Variants in DGKD observed in about 807,000 individuals in gnomAD.
DGKD encodes the protein diacylglycerol kinase delta.
In DGKD, 68 loss-of-function variants were observed where a neutral mutation model predicts 154.4. The observed-to-expected ratio is 0.44, with a 90% confidence interval of 0.36 to 0.54. DGKD has a LOEUF of 0.54. Ranked by LOEUF, DGKD falls within the 20% of genes least tolerant of loss-of-function variation. DGKD has a pLI of 0.00. For synonymous variants in DGKD, 693 were observed against 638.0 expected, an observed-to-expected ratio of 1.09 and a Z score of -1.30; for missense variants, 1,343 against 1,593.6, an observed-to-expected ratio of 0.84 and a Z score of 2.68.
In DGKD at chr2:233,412,289, A is replaced by G. The variant is rs566461865; in HGVS notation, c.348+21806A>G. ...CTCTCTCTTTATTTAGGTGCTTTAA[A>G]TTTATCTCAGCAGTGCTTTGTAGTT... is the stretch of plus-strand genomic sequence containing the variant. On this transcript the variant is annotated intron_variant, in intron 3 of 29. Coordinates refer to ENST00000264057, the MANE Select transcript of DGKD (RefSeq NM_152879.3). Among the ~76,000 whole-genome samples, 4 of 152,310 alleles carry G rather than the reference A, an allele frequency of 2.6e-5. No individual in the cohort carries two copies. In the East Asian group the frequency reaches 5.8e-4, roughly 22 times the overall value.
rs1290812631 is a variant in DGKD, at chr2:233,435,918, A to G, written c.687A>G (p.Ala229=). 2 of 1,608,246 alleles carry G rather than the reference A, an allele frequency of 1.2e-6. No individual in the cohort carries two copies. Among genetic ancestry groups the G allele is most frequent in the African/African-American group, 1.3e-5 (1 of 74,558 alleles). The stretch of plus-strand genomic sequence containing the variant: ...TCGGGAAGGACATCATTGAAGATGC[A>G]GATGGGGTATGTTAAGAAATACCAC... ...ASIGKDIIED[A]DGIAMPHQWL... Residue 229 remains alanine, a synonymous_variant, in exon 6 of 30, where the codon GCA becomes GCG. Transcript: ENST00000264057.
intron 17 of DGKD, 63 bp from the exon 18 acceptor site, chr2:233,451,901 C>T (rs1038132002): frequency 2.0e-5 from 28 of 1,369,470 alleles, no homozygotes; most frequent in South Asian, 1.3e-4. Flanking sequence ...TTCAGAGACA[C>T]GAGCTTCTCC....
rs370757617 is a variant in DGKD at position 233,450,935 on chromosome 2, G to T, written c.2052G>T (p.Pro684=). ...GRSQRKVSKS[P]CEKLISKGSL... ...GTGTTGTTACAGTGTCGAAATCTCC[G>T]TGTGAAAAGCTGATCAGCAAAGGGA... Residue 684 remains proline, a synonymous_variant, in exon 17 of 30, where the codon CCG becomes CCT. Transcript: ENST00000264057. The T allele has an allele frequency of 1.2e-6, 2 of 1,601,958 alleles. No homozygotes were observed.
At chr2:233,409,069 T>C (rs375715166) in intron 3 of DGKD, 40 of 152,314 alleles carry the variant, frequency 2.6e-4, no homozygotes, top group African/African-American at 8.9e-4. Flanking sequence ...GTGGAACCAA[T>C]TGTGGTGTCT....
chr2:233,417,433 T>C (rs866704105), intron 3 of DGKD, among the ~76,000 whole-genome samples: 2 of 152,340 alleles, frequency 1.3e-5, no homozygotes, highest in Middle Eastern at 6.8e-3. Context: ...TGTTGTTCCC[T>C]TGATGCTTGG....
chr2:233,467,370 T>C (rs575455202), intron 28 of DGKD, among the ~76,000 whole-genome samples, 167 bp downstream of exon 28: 1 of 152,262 alleles, frequency 6.6e-6, no homozygotes, highest in African/African-American at 2.4e-5. Context: ...GCTGCAGCCC[T>C]CCACCCTGCC....
chr2:233,459,684 G>A lies in DGKD; in HGVS notation c.2695-73G>A, dbSNP rs189801726. ...GGGTGTGTGGAGCAGGAAGGTCATG[G>A]TGGTGCTGATAGCACTTTTAAACCC... On this transcript the variant is annotated intron_variant, in intron 22 of 29. Coordinates refer to ENST00000264057, the MANE Select transcript of DGKD (RefSeq NM_152879.3). The surrounding 1 kb of genome is among the most constrained non-coding windows in gnomAD (Gnocchi z 5.7). 554 of 1,562,522 alleles carry A rather than the reference G, an allele frequency of 3.5e-4. No homozygotes were observed. The highest frequency in any genetic ancestry group is 4.5e-4 in the Non-Finnish European group (520 of 1,151,858).
At chr2:233,396,846 G>A (rs1036865567) in intron 3 of DGKD, among the ~76,000 whole-genome samples, 6 of 152,152 alleles carry the variant, frequency 3.9e-5, no homozygotes, top group African/African-American at 1.4e-4. Flanking sequence ...GGGACACCAC[G>A]TGGAGTGTGC....
chr2:233,372,477 A>C (rs1039745220), intron 1 of DGKD, among the ~76,000 whole-genome samples: 3 of 152,120 alleles, frequency 2.0e-5, no homozygotes, highest in Non-Finnish European at 4.4e-5. Context: ...GAAGCTGGGC[A>C]GAAGGGAAGT....
intron 3 of DGKD, among the ~76,000 whole-genome samples, chr2:233,417,558 A>G (rs2061989637): frequency 6.6e-6 from 1 of 152,150 alleles, no homozygotes; most frequent in South Asian, 2.1e-4. Flanking sequence ...GGAACTCAAA[A>G]ATTGCATTAT....
intron 1 of DGKD, among the ~76,000 whole-genome samples, chr2:233,385,007 C>T (rs1281227194): frequency 6.6e-6 from 1 of 152,188 alleles, no homozygotes; most frequent in African/African-American, 2.4e-5. Context: ...GAGCTCCTGG[C>T]CATGCAGCCC....
chr2:233,388,074 C>A, intron 1 of DGKD, 183 bp from the exon 2 acceptor site: 1 of 1,373,580 alleles, frequency 7.3e-7, no homozygotes, highest in Non-Finnish European at 9.6e-7. Context: ...AGGATTGGTG[C>A]AACCCCCCAT....
chr2:233,469,284 G>T, intron 29 of DGKD, 87 bp from the exon 30 acceptor site: 2 of 1,175,378 alleles, frequency 1.7e-6, no homozygotes, highest in Non-Finnish European at 2.5e-6. Flanking sequence ...AAGCCGAATG[G>T]GAAGGGCCGT....
chr2:233,445,783 G>A lies in DGKD; in HGVS notation c.1334+21G>A. ...GACAGGTGAGTGGGGATGTGCTCCG[G>A]TGCCGTATGAGGAGACTTTGAGAGA... On this transcript the variant is annotated intron_variant, in intron 11 of 29. Transcript: ENST00000264057. This position sits in a 1 kb window ranked among gnomAD's most constrained non-coding sequence, Gnocchi z 5.5. 6.3e-7 allele frequency: 1 copy of A among 1,596,918 alleles called. No homozygotes were observed. Among genetic ancestry groups the A allele is most frequent in the East Asian group, 2.3e-5 (1 of 44,232 alleles).
At position 233,360,264 on chromosome 2, in the gene DGKD, A is replaced by T. The variant is rs192663551; in HGVS notation, c.156+5590A>T. 3.0e-3 allele frequency among the ~76,000 whole-genome samples: 460 copies of T among 151,814 alleles called. 12 individuals carry two copies. The East Asian group carries it at 0.056, about 19-fold the overall frequency. ...ATATTAGTTAAATATCTTTAAAAAA[A>T]TTTTTTTTCTTTTTTTCTGAGACAG... On this transcript the variant is annotated intron_variant, in intron 1 of 29. Transcript: ENST00000264057.
At chr2:233,436,137 A>G (rs2062686630) in intron 6 of DGKD, among the ~76,000 whole-genome samples, 179 bp from the exon 7 acceptor site, 1 of 152,112 alleles carries the variant, frequency 6.6e-6, no homozygotes, top group African/African-American at 2.4e-5. Flanking sequence ...TGCACCTCCG[A>G]CAGGTGCTAT....
In DGKD at chr2:233,383,798, G is replaced by A. The variant is rs545322768; in HGVS notation, c.157-4459G>A. ...GGGCTATCTTTGGTCCCCAAATTCC[G>A]CTTCTCTTAATTTGCTTTAAGGATA... On this transcript the variant is annotated intron_variant, in intron 1 of 29. Coordinates refer to ENST00000264057, the MANE Select transcript of DGKD (RefSeq NM_152879.3). Among the ~76,000 whole-genome samples, 4 of 152,224 alleles carry A rather than the reference G, an allele frequency of 2.6e-5. No individual in the cohort carries two copies. The South Asian group carries it at 6.2e-4, about 24-fold the overall frequency.
chr2:233,421,422 C>T (rs1178316295), intron 3 of DGKD, among the ~76,000 whole-genome samples: 1 of 152,234 alleles, frequency 6.6e-6, no homozygotes, highest in Non-Finnish European at 1.5e-5. Context: ...TTCTTTCCTG[C>T]ATCTTACTGT....
chr2:233,446,325 T>G (rs1227991924), intron 11 of DGKD, among the ~76,000 whole-genome samples: 1 of 152,230 alleles, frequency 6.6e-6, no homozygotes, highest in Non-Finnish European at 1.5e-5. Flanking sequence ...TGAGCACAGT[T>G]GTGGTTTTGC....
Sources: allele counts gnomAD v4.1 joint callset (sites outside exome capture counted in the v4.1 genomes callset), GRCh38; gene constraint gnomAD v4.1.1; non-coding constraint Gnocchi (gnomAD v3.1); transcripts MANE v1.5; gene names NCBI Gene and HGNC (gene_info 2026-07-23, HGNC 2026-07-21).